The following NAV2 variants were observed in gnomAD, a reference collection of about 807,000 sequenced individuals.
The protein encoded by NAV2 is helicase, APC down-regulated 1.
NAV2 carries 54 observed loss-of-function variants against 223.2 expected under a neutral mutation model. The ratio of observed to expected loss-of-function variants is 0.24; its 90% CI spans 0.19 to 0.30. The LOEUF is 0.30. Ranked by LOEUF, NAV2 falls within the 10% of genes least tolerant of loss-of-function variation. The pLI, the probability that NAV2 is intolerant of heterozygous loss-of-function variation, is 1.00. For missense variants in NAV2, 2,806 were observed against 3,147.5 expected (o/e 0.89, Z 2.60); for synonymous variants, 1,279 against 1,239.3 (o/e 1.03, Z -0.67).
chr11:19,556,490 T>A (rs2044895603), intron 1 of NAV2, among the ~76,000 whole-genome samples: 1 of 152,210 alleles, frequency 6.6e-6, no homozygotes. Flanking sequence ...CTCTTAACCC[T>A]TTTTGTGCCA....
At chr11:20,038,349 C>CTACCTGAG (rs1194505618) in intron 12 of NAV2, among the ~76,000 whole-genome samples, 1 of 151,992 alleles carries the variant, frequency 6.6e-6, no homozygotes, top group Admixed American at 6.6e-5. Flanking sequence ...TCCTATAAAA[C>CTACCTGAG]TACCTGAGTT....
chr11:19,755,644 T>G (rs1306604184), intron 1 of NAV2, among the ~76,000 whole-genome samples: 1 of 152,224 alleles, frequency 6.6e-6, no homozygotes, highest in East Asian at 1.9e-4. Context: ...TGTAGATGCA[T>G]CACTCCAGTC....
intron 1 of NAV2, among the ~76,000 whole-genome samples, chr11:19,683,505 T>C (rs761849229): frequency 8.5e-5 from 13 of 152,270 alleles, no homozygotes; most frequent in Non-Finnish European, 1.9e-4. Flanking sequence ...CTGGCATTAC[T>C]GGTAGAGTTC....
intron 10 of NAV2, among the ~76,000 whole-genome samples, chr11:19,962,156 A>C (rs368318895): frequency 9.6e-4 from 145 of 151,496 alleles, no homozygotes; most frequent in African/African-American, 3.4e-3. Context: ...AGAGATCCAG[A>C]GTAGAGTCAG....
chr11:19,621,525 T>G (rs1348602982), intron 1 of NAV2, among the ~76,000 whole-genome samples: 1 of 152,220 alleles, frequency 6.6e-6, no homozygotes, highest in African/African-American at 2.4e-5. Flanking sequence ...TCTTCCAGAT[T>G]TTCTAGTTTA....
chr11:19,892,903 C>A (rs2041634351), intron 6 of NAV2, among the ~76,000 whole-genome samples: 1 of 152,096 alleles, frequency 6.6e-6, no homozygotes, highest in Admixed American at 6.5e-5. Flanking sequence ...GGAATATGTT[C>A]CATATATTAA....
chr11:19,633,924 T>C (rs574199252), intron 1 of NAV2, among the ~76,000 whole-genome samples: 1 of 152,354 alleles, frequency 6.6e-6, no homozygotes, highest in South Asian at 2.1e-4. Context: ...ATGGGGATCA[T>C]AACAGCAAAC....
At chr11:19,544,195 T>A (rs770269556) in intron 1 of NAV2, among the ~76,000 whole-genome samples, 2 of 152,232 alleles carry the variant, frequency 1.3e-5, no homozygotes, top group Non-Finnish European at 2.9e-5. Flanking sequence ...AGAGTTGATT[T>A]CCATCAAAAC....
intron 1 of NAV2, among the ~76,000 whole-genome samples, chr11:19,781,154 A>G (rs1271397406): frequency 6.6e-6 from 1 of 152,218 alleles, no homozygotes; most frequent in Non-Finnish European, 1.5e-5. Flanking sequence ...TGACTTGCCT[A>G]AGATTCCAGA....
chr11:19,608,801 G>A (rs990554405), intron 1 of NAV2, among the ~76,000 whole-genome samples: 12 of 152,198 alleles, frequency 7.9e-5, no homozygotes, highest in Non-Finnish European at 1.6e-4. Flanking sequence ...ACTTTCTGGA[G>A]GTCCGAGTTG....
chr11:19,564,673 C>T (rs1402468595), intron 1 of NAV2, among the ~76,000 whole-genome samples: 4 of 138,116 alleles, frequency 2.9e-5, no homozygotes, highest in African/African-American at 1.4e-4. Flanking sequence ...TCCTGCCGTC[C>T]CCTAGAAATC....
chr11:19,813,092 G>T (rs1590683149), intron 1 of NAV2, among the ~76,000 whole-genome samples: 1 of 152,138 alleles, frequency 6.6e-6, no homozygotes, highest in East Asian at 1.9e-4. Context: ...ACTCTTCTTT[G>T]CAGGAGTGAG....
intron 36 of NAV2, 124 bp downstream of exon 36, chr11:20,107,906 A>T: frequency 1.4e-6 from 1 of 719,738 alleles, no homozygotes; most frequent in Non-Finnish European, 2.4e-6. Flanking sequence ...CTCACCTGGG[A>T]GTTCATCAGT....
intron 1 of NAV2, among the ~76,000 whole-genome samples, chr11:19,367,241 A>G (rs1260087278): frequency 6.6e-6 from 1 of 152,122 alleles, no homozygotes; most frequent in Non-Finnish European, 1.5e-5. Context: ...TAAGATTCAG[A>G]TTGGAGTTGC....
intron 11 of NAV2, among the ~76,000 whole-genome samples, chr11:20,020,762 A>G (rs1014868624): frequency 1.3e-5 from 2 of 152,122 alleles, no homozygotes; most frequent in African/African-American, 4.8e-5. Context: ...CCTCCAATGT[A>G]TCCTCTCTCC....
chr11:19,459,404 A>C (rs1852075074), intron 1 of NAV2, among the ~76,000 whole-genome samples: 1 of 152,188 alleles, frequency 6.6e-6, no homozygotes, highest in Non-Finnish European at 1.5e-5. Context: ...GAGTCCTGGG[A>C]TTAGCTCTGA....
chr11:19,743,851 C>T (rs2053084108), intron 1 of NAV2, among the ~76,000 whole-genome samples: 2 of 151,578 alleles, frequency 1.3e-5, no homozygotes, highest in African/African-American at 4.9e-5. Flanking sequence ...GGAGTGTCTA[C>T]TTACCCCACT....
At chr11:19,404,358 AAT>A (rs1354695098) in intron 1 of NAV2, among the ~76,000 whole-genome samples, 1 of 152,158 alleles carries the variant, frequency 6.6e-6, no homozygotes. Context: ...AGCAGAGCTG[AAT>A]GCACGTCAGG....
chr11:19,818,231 A>ATTTTTTTTTTTT (rs34649376), intron 1 of NAV2, among the ~76,000 whole-genome samples: 2 of 56,022 alleles, frequency 3.6e-5, no homozygotes, highest in African/African-American at 1.7e-4. Context: ...GTATTTAGTG[A>ATTTTTTTTTTTT]TTTTTTTTTT....
Sources: allele counts gnomAD v4.1 joint callset (sites outside exome capture counted in the v4.1 genomes callset), GRCh38; gene constraint gnomAD v4.1.1; transcripts MANE v1.5; gene names NCBI Gene and HGNC (gene_info 2026-07-23, HGNC 2026-07-21).